Variants in HDX observed in about 807,000 individuals in gnomAD.
The protein encoded by HDX is highly divergent homeobox.
HDX carries 19 observed loss-of-function variants against 45.2 expected under a neutral mutation model. The observed-to-expected ratio is 0.42, with a 90% CI of 0.29 to 0.62. The LOEUF (loss-of-function observed/expected upper bound fraction) is 0.62. Ranked by LOEUF, HDX falls within the 20% of genes least tolerant of loss-of-function variation. The probability of loss-of-function intolerance (pLI) is 0.20; values close to 1 mark genes in which losing one functional copy is unlikely to be tolerated. For synonymous variants in HDX, 188 were observed against 172.8 expected, an observed-to-expected ratio of 1.09 and a Z score of -0.69; for missense variants, 532 against 493.9, an observed-to-expected ratio of 1.08 and a Z score of -0.73.
At chrX:84,464,990 C>T (rs2040316167) in intron 4 of HDX, among the ~76,000 whole-genome samples, 1 of 111,544 alleles carries the variant, frequency 9.0e-6, no homozygotes, top group Admixed American at 9.5e-5. Context: ...AAAAAAACAA[C>T]CCCATCAAAA....
intron 5 of HDX, among the ~76,000 whole-genome samples, chrX:84,367,868 G>A (rs1167027044): frequency 9.0e-6 from 1 of 111,714 alleles, no homozygotes; most frequent in Non-Finnish European, 1.9e-5. Flanking sequence ...GGGGGTAAGG[G>A]AGGGATAGCA....
Position 84,468,764 on chromosome X carries a change from A to T in HDX, c.959T>A (p.Ile320Lys), listed in dbSNP as rs768309905. 3.3e-6 allele frequency: 4 copies of T among 1,211,428 alleles called. No individual in the cohort carries two copies. The South Asian group carries it at 7.0e-5, about 21-fold the overall frequency. Residue 320 changes from isoleucine (I) to lysine (K), a missense_variant, in exon 4 of 11, where the codon ATA becomes AAA. Transcript: ENST00000373177. ...TTCATAAAATCTCGAATAGCTTGGT[A>T]TCTGTGCTCTCATCGATGCCAGCTC... ...EEELASMRAQIPSYSRFYESG... is the reference protein window; with the variant it reads ...EEELASMRAQKPSYSRFYESG...
chrX:84,494,291 T>G (rs191278393), intron 1 of HDX, among the ~76,000 whole-genome samples: 168 of 112,439 alleles, frequency 1.5e-3, no homozygotes, highest in Non-Finnish European at 2.6e-3. Flanking sequence ...TCTTTGTACA[T>G]TTCTAGCCCT....
chrX:84,433,958 T>C (rs759502918), intron 5 of HDX, among the ~76,000 whole-genome samples: 4 of 111,333 alleles, frequency 3.6e-5, no homozygotes, highest in Non-Finnish European at 7.6e-5. Flanking sequence ...GTAAATAGCA[T>C]TGTCTTCTTG....
chrX:84,458,374 TGGTTACTTA>T (rs2040162048), intron 4 of HDX, among the ~76,000 whole-genome samples: 1 of 111,965 alleles, frequency 8.9e-6, no homozygotes, highest in Admixed American at 9.4e-5. Flanking sequence ...ACAATGTAAA[TGGTTACTTA>T]GGTGAAATGT....
chrX:84,454,241 C>A (rs1467943657), intron 4 of HDX, among the ~76,000 whole-genome samples: 1 of 111,387 alleles, frequency 9.0e-6, no homozygotes, highest in Non-Finnish European at 1.9e-5. Context: ...CCAGCTCAGC[C>A]ACAGTGGAGA....
intron 9 of HDX, among the ~76,000 whole-genome samples, chrX:84,327,365 A>T (rs1344608611): frequency 9.0e-6 from 1 of 111,650 alleles, no homozygotes; most frequent in Non-Finnish European, 1.9e-5. Context: ...GATAATGGCC[A>T]TGAAAGTGCT....
At chrX:84,496,563 A>T (rs1398083414) in intron 1 of HDX, among the ~76,000 whole-genome samples, 1 of 110,741 alleles carries the variant, frequency 9.0e-6, no homozygotes, top group African/African-American at 3.3e-5. Flanking sequence ...CATATCACAA[A>T]CAATACTGAA....
intron 5 of HDX, among the ~76,000 whole-genome samples, chrX:84,392,750 G>A (rs185292063): frequency 9.8e-4 from 106 of 107,825 alleles, no homozygotes; most frequent in African/African-American, 2.7e-3. Flanking sequence ...ACTGACTTTC[G>A]TATCCTGATT....
At chrX:84,457,138 T>C (rs1191947810) in intron 4 of HDX, among the ~76,000 whole-genome samples, 3 of 111,277 alleles carry the variant, frequency 2.7e-5, no homozygotes, top group East Asian at 2.8e-4. Flanking sequence ...AAAATCTTCT[T>C]TTTTTTTGGC....
chrX:84,354,930 CATATATATATATATATATATATATAT>C (rs72331919), intron 6 of HDX, among the ~76,000 whole-genome samples: 12 of 74,832 alleles, frequency 1.6e-4, no homozygotes, highest in Middle Eastern at 7.3e-3. Flanking sequence ...CACACACACA[CATATATATATATATATATATATATAT>C]ATATATATAT....
At chrX:84,344,594 A>G (rs1355971374) in intron 6 of HDX, 137 bp from the exon 7 acceptor site, 3 of 408,311 alleles carry the variant, frequency 7.3e-6, no homozygotes, top group Non-Finnish European at 1.3e-5. Flanking sequence ...AAAAACTTTT[A>G]TGTCAATACG....
At chrX:84,339,509 A>G (rs776394812) in intron 7 of HDX, among the ~76,000 whole-genome samples, 2 of 111,758 alleles carry the variant, frequency 1.8e-5, no homozygotes, top group Admixed American at 1.9e-4. Context: ...TAAAATTAAA[A>G]CTATATTGAG....
At chrX:84,432,723 G>A (rs1185702133) in intron 5 of HDX, among the ~76,000 whole-genome samples, 3 of 111,052 alleles carry the variant, frequency 2.7e-5, no homozygotes, top group Admixed American at 9.6e-5. Flanking sequence ...GAGCTTTTGG[G>A]CAGAGACTAT....
At chrX:84,418,011 A>C (rs2039155146) in intron 5 of HDX, among the ~76,000 whole-genome samples, 1 of 111,992 alleles carries the variant, frequency 8.9e-6, no homozygotes, top group South Asian at 3.7e-4. Context: ...CAGAGAAAAC[A>C]CTATATTATG....
At position 84,395,409 on chromosome X, in the gene HDX, G is replaced by A. The variant is rs377738467; in HGVS notation, c.1306-33797C>T. ...TAATTATATCATCCCATTCTCTCACGGCCTGTATGGTTTCTGCTGAAAATT... is the reference window on the plus strand; with the variant it reads ...TAATTATATCATCCCATTCTCTCACAGCCTGTATGGTTTCTGCTGAAAATT... On this transcript the variant is annotated intron_variant, in intron 5 of 10. Coordinates refer to ENST00000373177, the MANE Select transcript of HDX (RefSeq NM_001177479.2). Among the ~76,000 whole-genome samples, 3 of 108,956 alleles carry A rather than the reference G, an allele frequency of 2.8e-5. No individual in the cohort carries two copies. The South Asian group carries it at 1.2e-3, about 43-fold the overall frequency. The allele number at this position is 108,956 out of a possible 115,157, so 94.6% of individuals were successfully genotyped here.
intron 1 of HDX, among the ~76,000 whole-genome samples, chrX:84,493,226 T>C (rs2040929666): frequency 8.9e-6 from 1 of 112,344 alleles, no homozygotes; most frequent in African/African-American, 3.2e-5. Context: ...ATTCTAATAC[T>C]ATGAGAGTAT....
intron 4 of HDX, among the ~76,000 whole-genome samples, chrX:84,465,231 A>AATTAGTTCAACCATAC (rs1239039292): frequency 6.9e-4 from 78 of 112,255 alleles, no homozygotes; most frequent in African/African-American, 2.4e-3. Flanking sequence ...TGGGAATGTA[A>AATTAGTTCAACCATAC]ATTAGTTCAA....
At chrX:84,496,768 T>A (rs961391710) in intron 1 of HDX, among the ~76,000 whole-genome samples, 8 of 111,958 alleles carry the variant, frequency 7.1e-5, no homozygotes, top group African/African-American at 1.3e-4. Flanking sequence ...CTTAGAATAA[T>A]GAGGAGTCAG....
Sources: allele counts gnomAD v4.1 joint callset (sites outside exome capture counted in the v4.1 genomes callset), GRCh38; gene constraint gnomAD v4.1.1; transcripts MANE v1.5; gene names NCBI Gene and HGNC (gene_info 2026-07-23, HGNC 2026-07-21).